Variants in RORC observed in about 807,000 individuals in gnomAD.
The protein encoded by RORC is RAR related orphan receptor C.
Under a neutral mutation model 64.5 loss-of-function variants are expected in RORC, and 13 were observed. That is an observed-to-expected ratio of 0.20 (90% CI 0.13 to 0.32). The LOEUF (loss-of-function observed/expected upper bound fraction) is 0.32, where lower values mean the gene tolerates loss of function less well. Ranked by LOEUF, RORC falls within the 10% of genes least tolerant of loss-of-function variation. RORC has a pLI of 1.00. For synonymous variants in RORC, 277 were observed against 259.3 expected, an observed-to-expected ratio of 1.07 and a Z score of -0.65; for missense variants, 468 against 669.5, an observed-to-expected ratio of 0.70 and a Z score of 3.32.
intron 2 of RORC, among the ~76,000 whole-genome samples, chr1:151,817,772 C>G (rs933709337): frequency 2.0e-5 from 3 of 152,148 alleles, no homozygotes; most frequent in African/African-American, 4.8e-5. Flanking sequence ...GGCAGAGATG[C>G]CAGTCCTTCC....
At chr1:151,821,546 T>C (rs776066062) in intron 2 of RORC, among the ~76,000 whole-genome samples, 12 of 152,234 alleles carry the variant, frequency 7.9e-5, no homozygotes, top group South Asian at 2.1e-4. Flanking sequence ...CCCTGTGAAA[T>C]AGGCCCTGCT....
In RORC at chr1:151,807,627, G is replaced by A. The variant is rs761964234; in HGVS notation, c.1402C>T (p.Pro468Ser). The change falls in exon 11 of 11, where the codon CCC becomes TCC. Residue 468 changes from proline (P) to serine (S), a missense_variant. By Grantham distance (74) the Pro-to-Ser change is moderately conservative. Transcript: ENST00000318247. This position sits in a 1 kb window ranked among gnomAD's most constrained non-coding sequence, Gnocchi z 5.0. ...CACAGGCTCCGAAGCTTCCCCTTGG[G>A]TGGCAGCTGGATATGGGTTAATGGG... The part of the protein sequence containing the change: ...HRQSILAKLP[P>S]KGKLRSLCSQ... 4 of 1,614,170 alleles carry A rather than the reference G, an allele frequency of 2.5e-6. No homozygotes were observed. The highest frequency in any genetic ancestry group is 3.4e-6 in the Non-Finnish European group (4 of 1,180,008).
In RORC at chr1:151,830,876, C is replaced by G. The variant is rs1012872134; in HGVS notation, c.40+849G>C. On this transcript the variant is annotated intron_variant, in intron 1 of 10. Transcript: ENST00000318247. The surrounding 1 kb of genome is among the most constrained non-coding windows in gnomAD (Gnocchi z 4.0). ...CTGACGTGGCACCGGCTCCTGGCCT[C>G]TAGCCTTGCACCTCAGAGCAGTCCT... 15 of 1,216,936 alleles carry G rather than the reference C, an allele frequency of 1.2e-5. No individual in the cohort carries two copies. The highest frequency in any genetic ancestry group is 3.1e-5 in the African/African-American group (2 of 64,612). The allele number at this position is 1,216,936 out of a possible 1,614,324, so 75.4% of individuals were successfully genotyped here. A position where few individuals can be genotyped will look rare whatever the true frequency, so the allele number is the denominator to read the frequency against.
At position 151,810,590 on chromosome 1, in the gene RORC, G is replaced by C. The variant is rs986053918; in HGVS notation, c.1395+735C>G. On this transcript the variant is annotated intron_variant, in intron 10 of 10. Coordinates refer to ENST00000318247, the MANE Select transcript of RORC (RefSeq NM_005060.4). ...CTTGTTGCCCAGGCTGGAGTGCAAT[G>C]GCACAATCTTGGCTCACTGCAACAT... 3.3e-4 allele frequency among the ~76,000 whole-genome samples: 50 copies of C among 149,434 alleles called. 1 individual carries two copies. The highest frequency in any genetic ancestry group is 1.2e-3 in the African/African-American group (49 of 40,358).
At chr1:151,809,224 C>T (rs901555286) in intron 10 of RORC, among the ~76,000 whole-genome samples, 23 of 134,154 alleles carry the variant, frequency 1.7e-4, no homozygotes, top group Admixed American at 1.2e-3. Context: ...CATGGTGAAA[C>T]CCTGTCTCTA....
chr1:151,826,839 C>T (rs780446605), intron 2 of RORC, among the ~76,000 whole-genome samples: 1 of 152,144 alleles, frequency 6.6e-6, no homozygotes, highest in Non-Finnish European at 1.5e-5. Flanking sequence ...TTATGTGGGC[C>T]GGGGGCAGTG....
At chr1:151,812,518 C>T (rs10888436) in intron 9 of RORC, 64,996 of 157,978 alleles carry the variant, frequency 0.41, 13,889 homozygotes, top group South Asian at 0.64. Context: ...TTTCAACTTA[C>T]GATAGGTTTA....
At chr1:151,808,988 G>C (rs1288065037) in intron 10 of RORC, among the ~76,000 whole-genome samples, 1 of 152,204 alleles carries the variant, frequency 6.6e-6, no homozygotes. Flanking sequence ...GGTGTTTGAA[G>C]GGGCAGTGGA....
Position 151,829,886 on chromosome 1 carries a change from C to T in RORC, c.41-428G>A, listed in dbSNP as rs116121270. The stretch of plus-strand genomic sequence containing the variant: ...CACTCACCATGTCACCAACTGTCAC[C>T]TAACTGCTGTAATTGTGTCATTGTC... On this transcript the variant is annotated intron_variant, in intron 1 of 10. Coordinates refer to ENST00000318247, the MANE Select transcript of RORC (RefSeq NM_005060.4). 3.6e-3 allele frequency among the ~76,000 whole-genome samples: 545 copies of T among 152,354 alleles called. 1 individual carries two copies. Among genetic ancestry groups the T allele is most frequent in the African/African-American group, 0.013 (532 of 41,580 alleles).
At chr1:151,823,745 A>G (rs1267191274) in intron 2 of RORC, among the ~76,000 whole-genome samples, 2 of 152,058 alleles carry the variant, frequency 1.3e-5, no homozygotes, top group Non-Finnish European at 2.9e-5. Context: ...GGCTCAAACG[A>G]TCCTCCTGCC....
intron 2 of RORC, among the ~76,000 whole-genome samples, chr1:151,822,176 C>T (rs1203118528): frequency 2.6e-5 from 4 of 152,002 alleles, no homozygotes; most frequent in Non-Finnish European, 4.4e-5. Flanking sequence ...ACCACAGCTC[C>T]GGTCAGGGGT....
At chr1:151,813,711 G>C in intron 6 of RORC, 91 bp from the exon 7 acceptor site, 1 of 1,440,450 alleles carries the variant, frequency 6.9e-7, no homozygotes, top group Non-Finnish European at 9.5e-7. Context: ...AACTGCAAGG[G>C]GTAGGCTCTG....
At chr1:151,813,460 C>T (rs1201410511) in intron 7 of RORC, 28 bp downstream of exon 7, 2 of 1,613,826 alleles carry the variant, frequency 1.2e-6, no homozygotes, top group Non-Finnish European at 1.7e-6. Context: ...CCCCTTGTCC[C>T]CAGGCCTGCC....
At chr1:151,812,895 T>G in intron 9 of RORC, 52 bp downstream of exon 9, 1 of 1,188,834 alleles carries the variant, frequency 8.4e-7, no homozygotes, top group South Asian at 1.3e-5. Flanking sequence ...CTTCAATATC[T>G]GCCATGCCCC....
At chr1:151,828,840 G>A (rs1312996063) in intron 2 of RORC, among the ~76,000 whole-genome samples, 10 of 152,114 alleles carry the variant, frequency 6.6e-5, no homozygotes, top group African/African-American at 2.2e-4. Context: ...TTAGCCAGGC[G>A]TGGTGGTGGG....
At chr1:151,812,904 C>T (rs1281220578) in intron 9 of RORC, 43 bp downstream of exon 9, 1 of 1,287,910 alleles carries the variant, frequency 7.8e-7, no homozygotes, top group East Asian at 2.3e-5. Context: ...CTGCCATGCC[C>T]CTGCCACCTG....
rs1299407037 is a variant in RORC, at chr1:151,806,675, G to A, written c.*797C>T. ...TCTCTGGAACTGCATGATTGCTGTT[G>A]AGTCTGTATGTGTTTCACCTGTGTA... On this transcript the variant is annotated 3_prime_UTR_variant, in exon 11 of 11. Transcript: ENST00000318247. 1 of 152,188 alleles carries A rather than the reference G, an allele frequency of 6.6e-6. No homozygotes were observed. Among genetic ancestry groups the A allele is most frequent in the Non-Finnish European group, 1.5e-5 (1 of 68,046 alleles). 9.4% of individuals were successfully genotyped at this position (152,188 alleles called of 1,614,324 possible).
At chr1:151,817,318 C>T in intron 2 of RORC, 38 bp from the exon 3 acceptor site, 1 of 1,481,478 alleles carries the variant, frequency 6.8e-7, no homozygotes, top group Non-Finnish European at 9.4e-7. Context: ...GCCCAGGAGG[C>T]TTTTCTGCAT....
chr1:151,815,491 G>A (rs1651723365), intron 4 of RORC, 66 bp from the exon 5 acceptor site: 4 of 1,493,084 alleles, frequency 2.7e-6, no homozygotes, highest in Non-Finnish European at 3.6e-6. Flanking sequence ...AGGGTCAGGA[G>A]GCATTTGGTC....
Sources: allele counts gnomAD v4.1 joint callset (sites outside exome capture counted in the v4.1 genomes callset), GRCh38; gene constraint gnomAD v4.1.1; non-coding constraint Gnocchi (gnomAD v3.1); transcripts MANE v1.5; gene names NCBI Gene and HGNC (gene_info 2026-07-23, HGNC 2026-07-21).